Variants in CEP85L observed in about 807,000 individuals in gnomAD.
The protein encoded by CEP85L is centrosomal protein 85L, also known as centrosomal protein of 85 kDa-like.
CEP85L carries 60 observed loss-of-function variants against 100.3 expected under a neutral mutation model. The ratio of observed to expected loss-of-function variants is 0.60; its 90% CI spans 0.49 to 0.74. The LOEUF (loss-of-function observed/expected upper bound fraction) is 0.74. Among genes scored for constraint, CEP85L ranks in the 30% least tolerant of loss-of-function variants. The probability of loss-of-function intolerance (pLI) is 0.00; values close to 1 mark genes in which losing one functional copy is unlikely to be tolerated. For synonymous variants in CEP85L, 319 were observed against 322.7 expected, an observed-to-expected ratio of 0.99 and a Z score of 0.12; for missense variants, 973 against 936.2, an observed-to-expected ratio of 1.04 and a Z score of -0.51.
At position 118,469,134 on chromosome 6, in the gene CEP85L, C is replaced by G. The variant is rs772483577; in HGVS notation, c.2192G>C (p.Ser731Thr). Residue 731 changes from serine to threonine, a missense_variant, in exon 12 of 13, where the codon AGT (serine) becomes ACT (threonine). Coordinates refer to ENST00000368491, the MANE Select transcript of CEP85L (RefSeq NM_001042475.3). Reference protein sequence around the residue: ...CCLFDLKALCSILNQRAQGKE... With the variant: ...CCLFDLKALCTILNQRAQGKE... ...GCCCTGAGCACGCTGATTAAGAATA[C>G]TACACAATGCTTTCAAGTCAAACAA... The G allele has an allele frequency of 8.1e-5, 131 of 1,614,018 alleles. No individual in the cohort carries two copies. The highest frequency in any genetic ancestry group is 1.0e-4 in the Non-Finnish European group (123 of 1,179,920).
chr6:118,632,232 G>A lies in CEP85L; in HGVS notation c.232+221C>T, dbSNP rs535012917. On this transcript the variant is annotated intron_variant, in intron 2 of 12. Transcript: ENST00000368491. ...TCTCGATCTCCTGACCTCGTGATCCGCCCACCTCAGCCTCCCAAAGTGCTG... is the reference window on the plus strand; with the variant it reads ...TCTCGATCTCCTGACCTCGTGATCCACCCACCTCAGCCTCCCAAAGTGCTG... 5.3e-5 allele frequency among the ~76,000 whole-genome samples: 8 copies of A among 152,158 alleles called. No individual in the cohort carries two copies. The South Asian group carries it at 1.2e-3, about 24-fold the overall frequency.
chr6:118,614,936 A>G (rs1772928605), intron 2 of CEP85L, among the ~76,000 whole-genome samples: 1 of 152,228 alleles, frequency 6.6e-6, no homozygotes, highest in South Asian at 2.1e-4. Flanking sequence ...GTATTTCTAT[A>G]TTATAAATGT....
In CEP85L at chr6:118,634,406, T is replaced by A. The variant is rs187766112; in HGVS notation, c.74-1795A>T. On this transcript the variant is annotated intron_variant, in intron 1 of 12. Coordinates refer to ENST00000368491, the MANE Select transcript of CEP85L (RefSeq NM_001042475.3). ...TTTTAATAAAACATTGTCACATTATTTTATTTAATGCATTTATTTATTTAA... is the reference window on the plus strand; with the variant it reads ...TTTTAATAAAACATTGTCACATTATATTATTTAATGCATTTATTTATTTAA... 5.8e-4 allele frequency among the ~76,000 whole-genome samples: 89 copies of A among 152,314 alleles called. No individual in the cohort carries two copies. The South Asian group carries it at 6.6e-3, about 11-fold the overall frequency.
At chr6:118,501,704 C>G (rs1775312899) in intron 5 of CEP85L, 1 of 688,334 alleles carries the variant, frequency 1.5e-6, no homozygotes, top group East Asian at 3.0e-5. Flanking sequence ...GGAAAAAATT[C>G]AGAGCCTGAA....
At chr6:118,669,688 C>T (rs770927285) in intron 1 of CEP85L, among the ~76,000 whole-genome samples, 8 of 151,922 alleles carry the variant, frequency 5.3e-5, no homozygotes, top group Non-Finnish European at 8.8e-5. Flanking sequence ...CTACTAAAAC[C>T]TTTCATATCC....
rs1456392971 is a variant in CEP85L, at chr6:118,582,313, C to T, written c.233-15997G>A. On this transcript the variant is annotated intron_variant, in intron 2 of 12. Transcript: ENST00000368491. ...ACTTGGCCCAATTTTCTGATGACTC[C>T]GATAAGTATATAGAAATTTTCCAAA... Among the ~76,000 whole-genome samples the T allele has an allele frequency of 3.3e-5, 5 of 152,074 alleles. No homozygotes were observed. The South Asian group carries it at 6.2e-4, about 19-fold the overall frequency.
chr6:118,679,644 G>A (rs1236840602), intron 1 of CEP85L, among the ~76,000 whole-genome samples: 1 of 152,152 alleles, frequency 6.6e-6, no homozygotes, highest in Admixed American at 6.5e-5. Context: ...GCCAGGAAGA[G>A]TACCTAAATG....
At position 118,564,108 on chromosome 6, in the gene CEP85L, G is replaced by A. The variant is rs1011079328; in HGVS notation, c.1020+1421C>T. On this transcript the variant is annotated intron_variant, in intron 3 of 12. Transcript: ENST00000368491. ...TTAAAAACAAATTTATCTCAACAGT[G>A]TGTCCCCAACCTCCCTACCCTCCTC... Among the ~76,000 whole-genome samples, 3 of 150,170 alleles carry A rather than the reference G, an allele frequency of 2.0e-5. No homozygotes were observed. The East Asian group carries it at 5.8e-4, about 29-fold the overall frequency.
Position 118,566,280 on chromosome 6 carries a change from G to T in CEP85L, c.269C>A (p.Pro90His). 6.2e-7 allele frequency: 1 copy of T among 1,613,756 alleles called. No individual in the cohort carries two copies. Among genetic ancestry groups the T allele is most frequent in the Non-Finnish European group, 8.5e-7 (1 of 1,179,898 alleles). ...STSSGTLSFK[P>H]SQSLITLPTA... ...AGGAAGAGTAATCAATGATTGACTA[G>T]GCTTAAAAGATAATGTGCCACTTGA... Residue 90 changes from proline to histidine, a missense_variant, in exon 3 of 13, where the codon CCT becomes CAT. By Grantham distance (77) the Pro-to-His change is moderately conservative. Coordinates refer to ENST00000368491, the MANE Select transcript of CEP85L (RefSeq NM_001042475.3).
At chr6:118,648,785 C>T (rs1052058559) in intron 1 of CEP85L, among the ~76,000 whole-genome samples, 99 of 150,568 alleles carry the variant, frequency 6.6e-4, no homozygotes, top group African/African-American at 2.4e-3. Flanking sequence ...GTACCTTTGG[C>T]TTTTCCTTTA....
At chr6:118,521,680 G>A (rs1776676138) in intron 4 of CEP85L, among the ~76,000 whole-genome samples, 1 of 152,018 alleles carries the variant, frequency 6.6e-6, no homozygotes, top group Non-Finnish European at 1.5e-5. Context: ...TTCTTTCTTA[G>A]AATCCCACCC....
chr6:118,595,274 C>CTCATTG (rs111365341), intron 2 of CEP85L, among the ~76,000 whole-genome samples: 101,361 of 151,182 alleles, frequency 0.67, 34,652 homozygotes, highest in Middle Eastern at 0.73. Context: ...CACATCTATC[C>CTCATTG]TCATTGTCGT....
At chr6:118,472,344 A>T (rs1029663712) in intron 10 of CEP85L, among the ~76,000 whole-genome samples, 1 of 152,102 alleles carries the variant, frequency 6.6e-6, no homozygotes, top group African/African-American at 2.4e-5. Flanking sequence ...CAGATTTCTC[A>T]TATGTTGCTT....
At chr6:118,470,721 T>A (rs1053140250) in intron 10 of CEP85L, 77 bp from the exon 11 acceptor site, 3 of 759,460 alleles carry the variant, frequency 4.0e-6, no homozygotes, top group Admixed American at 2.7e-5. Context: ...GAAGTAGGAA[T>A]GTTGGCTCTG....
At chr6:118,519,432 CTGTGTGTGTGTGTGTGTGTG>C (rs546998242) in intron 4 of CEP85L, among the ~76,000 whole-genome samples, 3 of 23,970 alleles carry the variant, frequency 1.3e-4, no homozygotes, top group East Asian at 1.7e-3. Flanking sequence ...GAGCAAAACT[CTGTGTGTGTGTGTGTGTGTG>C]TGTGTGTGTG....
intron 8 of CEP85L, among the ~76,000 whole-genome samples, chr6:118,481,515 G>C (rs916294815): frequency 5.3e-5 from 8 of 152,040 alleles, no homozygotes; most frequent in African/African-American, 1.9e-4. Context: ...GCTCAAAGGA[G>C]ATGCCCATGG....
At chr6:118,661,880 T>C (rs1245728247) in intron 1 of CEP85L, among the ~76,000 whole-genome samples, 1 of 152,220 alleles carries the variant, frequency 6.6e-6, no homozygotes, top group Non-Finnish European at 1.5e-5. Context: ...CCAATGACGT[T>C]GTATCACGAA....
chr6:118,521,113 C>CG (rs1430018429), intron 4 of CEP85L, among the ~76,000 whole-genome samples: 1 of 152,044 alleles, frequency 6.6e-6, no homozygotes, highest in Non-Finnish European at 1.5e-5. Context: ...TGAAAGGTAT[C>CG]GCTGACCACA....
chr6:118,541,354 A>T (rs1368149191), intron 3 of CEP85L, among the ~76,000 whole-genome samples: 1 of 152,234 alleles, frequency 6.6e-6, no homozygotes, highest in Non-Finnish European at 1.5e-5. Context: ...CCTGAAATAT[A>T]GCAAAACCAT....
Sources: gnomAD v4.1 joint callset for allele counts (sites outside exome capture counted in the v4.1 genomes callset) on GRCh38, gnomAD v4.1.1 for gene constraint, MANE v1.5 for transcripts, NCBI Gene and HGNC (gene_info 2026-07-23, HGNC 2026-07-21) for gene names.